The following PALM2AKAP2 variants were observed in gnomAD, a reference collection of about 807,000 sequenced individuals.
PALM2AKAP2 encodes PALM2-AKAP2 fusion protein.
Under a neutral mutation model 71.5 loss-of-function variants are expected in PALM2AKAP2, and 37 were observed. That is an observed-to-expected ratio of 0.52 (90% confidence interval 0.40 to 0.68). The LOEUF (loss-of-function observed/expected upper bound fraction) is 0.68, where lower values mean the gene tolerates loss of function less well. Among genes scored for constraint, PALM2AKAP2 ranks in the 30% least tolerant of loss-of-function variants. The pLI is 0.00. For synonymous variants in PALM2AKAP2, 468 were observed against 478.8 expected, an observed-to-expected ratio of 0.98 and a Z score of 0.29; for missense variants, 1,224 against 1,191.8, an observed-to-expected ratio of 1.03 and a Z score of -0.40.
chr9:109,738,459 A>G (rs897269267), intron 1 of PALM2AKAP2, among the ~76,000 whole-genome samples: 1 of 152,248 alleles, frequency 6.6e-6, no homozygotes, highest in Non-Finnish European at 1.5e-5. Context: ...ACAAAAAGTT[A>G]CTAGAACCAA....
At chr9:109,927,792 A>C (rs916709100) in intron 5 of PALM2AKAP2, among the ~76,000 whole-genome samples, 1 of 152,166 alleles carries the variant, frequency 6.6e-6, no homozygotes, top group African/African-American at 2.4e-5. Context: ...ACGCTCATCT[A>C]TTGGGTGGGT....
At chr9:109,857,681 T>A (rs1443740569) in intron 1 of PALM2AKAP2, among the ~76,000 whole-genome samples, 2 of 152,206 alleles carry the variant, frequency 1.3e-5, no homozygotes, top group African/African-American at 4.8e-5. Context: ...GGAGTGAGAC[T>A]GTTTAAGTTT....
At chr9:110,110,710 C>T (rs890142937) in intron 1 of PALM2AKAP2, among the ~76,000 whole-genome samples, 1 of 152,060 alleles carries the variant, frequency 6.6e-6, no homozygotes, top group South Asian at 2.1e-4. Flanking sequence ...CCATCCCTGG[C>T]TAATTTTTGT....
chr9:110,168,612 C>A, exon 4 of PALM2AKAP2: 1 of 1,233,714 alleles, frequency 8.1e-7, no homozygotes, highest in Non-Finnish European at 1.1e-6. Flanking sequence ...ACTCAGCAAT[C>A]CTTATGTAGA....
intron 7 of PALM2AKAP2, 130 bp downstream of exon 7, chr9:110,016,169 G>T: frequency 1.1e-6 from 1 of 872,814 alleles, no homozygotes; most frequent in Non-Finnish European, 1.8e-6. Flanking sequence ...TACTCACTGA[G>T]GTCTTAGGGA....
At chr9:110,118,445 G>T (rs1375813929) in intron 1 of PALM2AKAP2, among the ~76,000 whole-genome samples, 2 of 151,746 alleles carry the variant, frequency 1.3e-5, no homozygotes, top group African/African-American at 2.4e-5. Context: ...ACAGGATTTC[G>T]CAACGTTGGC....
intron 7 of PALM2AKAP2, among the ~76,000 whole-genome samples, chr9:110,031,744 A>G (rs1833280759): frequency 6.6e-6 from 1 of 152,166 alleles, no homozygotes; most frequent in African/African-American, 2.4e-5. Flanking sequence ...ACAGTGCTTC[A>G]CCTTGGAGAA....
chr9:110,084,304 A>C (rs1253863962), intron 1 of PALM2AKAP2, among the ~76,000 whole-genome samples: 18 of 152,210 alleles, frequency 1.2e-4, no homozygotes, highest in Admixed American at 1.2e-3. Context: ...TGATCTTCAA[A>C]AGTTTCCATA....
intron 2 of PALM2AKAP2, among the ~76,000 whole-genome samples, chr9:110,149,986 C>T (rs550896723): frequency 2.0e-5 from 3 of 152,228 alleles, no homozygotes; most frequent in South Asian, 4.2e-4. Flanking sequence ...ACCCCTGTCC[C>T]GCAAATTCGT....
rs183563511 is a variant in PALM2AKAP2, at chr9:109,702,626, G to A, written c.5+61760G>A. Among the ~76,000 whole-genome samples the A allele has an allele frequency of 3.3e-3, 509 of 151,948 alleles. 1 individual carries two copies. Among genetic ancestry groups the A allele is most frequent in the Middle Eastern group, 0.031 (9 of 294 alleles). On this transcript the variant is annotated intron_variant, in intron 1 of 6. Coordinates refer to the PALM2AKAP2 transcript ENST00000374531. ...GGGTAGGGGGGAGGGATAGCATTAG[G>A]AGATATACCTAATGTTAAATGAGGA...
chr9:109,864,606 A>C (rs1268060562), intron 1 of PALM2AKAP2, among the ~76,000 whole-genome samples: 4 of 152,198 alleles, frequency 2.6e-5, no homozygotes, highest in Non-Finnish European at 5.9e-5. Flanking sequence ...CTGGCCCACT[A>C]CCTGTGTTTG....
chr9:110,067,161 A>G (rs184901951), intron 1 of PALM2AKAP2, among the ~76,000 whole-genome samples: 1 of 152,154 alleles, frequency 6.6e-6, no homozygotes, highest in African/African-American at 2.4e-5. Flanking sequence ...CAGATTACCG[A>G]GAGTAGGATG....
chr9:110,093,067 G>A (rs1451933506), intron 1 of PALM2AKAP2, among the ~76,000 whole-genome samples: 1 of 152,162 alleles, frequency 6.6e-6, no homozygotes, highest in East Asian at 1.9e-4. Context: ...AGAAGAGGTG[G>A]TTCTTTAAGG....
exon 2 of PALM2AKAP2, chr9:110,138,361 TTTCAAGCTGAGG>T: frequency 6.2e-7 from 1 of 1,614,200 alleles, no homozygotes; most frequent in Non-Finnish European, 8.5e-7. Flanking sequence ...TGGTTGGGCC[TTTCAAGCTGAGG>T]TCCAGGAAAC....
chr9:109,670,344 C>T (rs1250823953), intron 1 of PALM2AKAP2, among the ~76,000 whole-genome samples: 1 of 152,108 alleles, frequency 6.6e-6, no homozygotes, highest in Non-Finnish European at 1.5e-5. Context: ...CATTTAGCTC[C>T]CACTTATAAA....
At chr9:109,919,699 TTAG>T (rs773925518) in intron 3 of PALM2AKAP2, among the ~76,000 whole-genome samples, 66 of 151,564 alleles carry the variant, frequency 4.4e-4, no homozygotes, top group African/African-American at 1.4e-3. Context: ...GGGATATATA[TTAG>T]TAGGATGTAT....
chr9:109,672,621 GAA>G (rs137991968), intron 1 of PALM2AKAP2, among the ~76,000 whole-genome samples: 9,821 of 152,056 alleles, frequency 0.065, 743 homozygotes, highest in African/African-American at 0.18. Context: ...TGGCCTCATA[GAA>G]AGAGTTAGGG....
chr9:110,016,005 C>T (rs1457430993), exon 7 of PALM2AKAP2: 1 of 1,613,904 alleles, frequency 6.2e-7, no homozygotes, highest in Non-Finnish European at 8.5e-7. Context: ...GCCTCGAACG[C>T]CACAGAAACA....
chr9:109,764,813 T>C (rs1829123608), intron 1 of PALM2AKAP2, among the ~76,000 whole-genome samples: 1 of 44,062 alleles, frequency 2.3e-5, no homozygotes, highest in South Asian at 7.0e-4. Context: ...AAGGGATGAA[T>C]ATTTTTTAAA....
Sources: gnomAD v4.1 joint callset for allele counts (sites outside exome capture counted in the v4.1 genomes callset) on GRCh38, gnomAD v4.1.1 for gene constraint, MANE v1.5 for transcripts, NCBI Gene and HGNC (gene_info 2026-07-23, HGNC 2026-07-21) for gene names.